CSNK1G1: variants seen among roughly 807,000 people sequenced by gnomAD.
CSNK1G1 encodes casein kinase 1 gamma 1.
A neutral mutation model predicts 59.6 loss-of-function variants in CSNK1G1; 22 were observed. That is an observed-to-expected ratio of 0.37 (90% CI 0.26 to 0.53). The LOEUF is 0.53. Ranked by LOEUF, CSNK1G1 falls within the 20% of genes least tolerant of loss-of-function variation. The pLI is 0.89. For synonymous variants in CSNK1G1, 179 were observed against 177.1 expected (o/e 1.01, Z -0.08); for missense variants, 384 against 519.5 (o/e 0.74, Z 2.54).
chr15:64,244,846 G>T (rs1450555662), intron 4 of CSNK1G1, among the ~76,000 whole-genome samples: 1 of 152,016 alleles, frequency 6.6e-6, no homozygotes, highest in Admixed American at 6.6e-5. Flanking sequence ...CAACACAGCT[G>T]GAGGCATCAC....
intron 6 of CSNK1G1, among the ~76,000 whole-genome samples, chr15:64,211,018 C>T (rs1485113263): frequency 6.6e-6 from 1 of 152,198 alleles, no homozygotes; most frequent in Non-Finnish European, 1.5e-5. Flanking sequence ...CCCTGAGGCC[C>T]TCACCAGATG....
chr15:64,196,342 C>T (rs966796629), intron 10 of CSNK1G1, among the ~76,000 whole-genome samples: 2 of 152,150 alleles, frequency 1.3e-5, no homozygotes, highest in South Asian at 4.1e-4. Flanking sequence ...ATAAACCAAA[C>T]AGTACTCAAT....
intron 4 of CSNK1G1, among the ~76,000 whole-genome samples, chr15:64,236,046 G>C (rs1291354309): frequency 6.6e-6 from 1 of 151,346 alleles, no homozygotes; most frequent in Non-Finnish European, 1.5e-5. Context: ...GGGAGGCTGA[G>C]GCAGGAGAAT....
At chr15:64,291,408 G>A (rs1232916135) in intron 2 of CSNK1G1, among the ~76,000 whole-genome samples, 3 of 152,024 alleles carry the variant, frequency 2.0e-5, no homozygotes, top group African/African-American at 7.3e-5. Context: ...CCAACATGGT[G>A]AAACCCCATC....
At chr15:64,184,455 T>C (rs1275164246) in intron 10 of CSNK1G1, among the ~76,000 whole-genome samples, 1 of 151,990 alleles carries the variant, frequency 6.6e-6, no homozygotes, top group Non-Finnish European at 1.5e-5. Context: ...GACAGGTGGA[T>C]TGCCTGAGCT....
At chr15:64,218,852 G>GT (rs11364699) in intron 4 of CSNK1G1, among the ~76,000 whole-genome samples, 2,073 of 114,056 alleles carry the variant, frequency 0.018, 27 homozygotes, top group African/African-American at 0.05. Flanking sequence ...AATTTGAAGT[G>GT]TTTTTTTTTT....
intron 11 of CSNK1G1, among the ~76,000 whole-genome samples, chr15:64,179,434 C>T (rs116316743): frequency 6.6e-6 from 1 of 151,602 alleles, no homozygotes; most frequent in Non-Finnish European, 1.5e-5. Context: ...TACTTAGGTA[C>T]AATATCACTA....
At chr15:64,335,159 G>A (rs1191328737) in intron 1 of CSNK1G1, among the ~76,000 whole-genome samples, 2 of 152,018 alleles carry the variant, frequency 1.3e-5, no homozygotes, top group Admixed American at 1.3e-4. Context: ...CATGCTTTTA[G>A]GAAAAACATA....
intron 1 of CSNK1G1, among the ~76,000 whole-genome samples, chr15:64,305,853 T>C (rs1455894637): frequency 2.7e-5 from 4 of 149,408 alleles, no homozygotes; most frequent in African/African-American, 7.4e-5. Context: ...TTCATACCAA[T>C]CTTTGACAAA....
intron 10 of CSNK1G1, among the ~76,000 whole-genome samples, chr15:64,198,442 G>A (rs1192521459): frequency 6.6e-6 from 1 of 151,878 alleles, no homozygotes; most frequent in Non-Finnish European, 1.5e-5. Flanking sequence ...CTGGCCTCAA[G>A]TTATCCACCC....
intron 2 of CSNK1G1, among the ~76,000 whole-genome samples, chr15:64,294,217 C>T (rs1461381703): frequency 1.3e-5 from 2 of 152,064 alleles, no homozygotes; most frequent in East Asian, 3.9e-4. Context: ...GGATTACAGG[C>T]GTCCGTCACC....
chr15:64,347,983 C>A (rs80043619), intron 1 of CSNK1G1, among the ~76,000 whole-genome samples: 2,460 of 147,346 alleles, frequency 0.017, 73 homozygotes, highest in African/African-American at 0.058. Context: ...TCCAGCCTGG[C>A]GACAGAGCAC....
intron 1 of CSNK1G1, among the ~76,000 whole-genome samples, chr15:64,307,254 T>C (rs1409722670): frequency 1.3e-5 from 2 of 151,414 alleles, no homozygotes; most frequent in African/African-American, 4.8e-5. Flanking sequence ...TTGGGGGATA[T>C]AGGGGAACTC....
chr15:64,325,469 G>A (rs1256122136), intron 1 of CSNK1G1, among the ~76,000 whole-genome samples: 1 of 151,954 alleles, frequency 6.6e-6, no homozygotes, highest in Non-Finnish European at 1.5e-5. Flanking sequence ...ATATTATAAT[G>A]GCTTACTTAC....
At chr15:64,333,790 AAC>A (rs1335947223) in intron 1 of CSNK1G1, among the ~76,000 whole-genome samples, 1 of 152,234 alleles carries the variant, frequency 6.6e-6, no homozygotes, top group African/African-American at 2.4e-5. Context: ...TTAAAGAAAC[AAC>A]AGTTTAAAAA....
chr15:64,166,257 T>A lies in CSNK1G1; in HGVS notation c.*5674A>T. 2.6e-6 allele frequency: 1 copy of A among 387,800 alleles called. No homozygotes were observed. The highest frequency in any genetic ancestry group is 9.2e-5 in the South Asian group (1 of 10,856). 24.0% of individuals were successfully genotyped at this position (387,800 alleles called of 1,614,324 possible). On this transcript the variant is annotated 3_prime_UTR_variant, in exon 12 of 12. Coordinates refer to ENST00000303052, the MANE Select transcript of CSNK1G1 (RefSeq NM_022048.5). This position sits in a 1 kb window ranked among gnomAD's most constrained non-coding sequence, Gnocchi z 4.5. Reference sequence around the variant, plus strand: ...AAGATCAAAGACAGATAAATAATAATATAATAAATTAGAGCATGTAATACA... The same window carrying A: ...AAGATCAAAGACAGATAAATAATAAAATAATAAATTAGAGCATGTAATACA...
At chr15:64,306,379 T>C (rs971751609) in intron 1 of CSNK1G1, among the ~76,000 whole-genome samples, 2 of 152,164 alleles carry the variant, frequency 1.3e-5, no homozygotes, top group Non-Finnish European at 1.5e-5. Flanking sequence ...CAAATACATA[T>C]ATGAAAATAT....
intron 4 of CSNK1G1, among the ~76,000 whole-genome samples, chr15:64,239,117 G>A (rs545682247): frequency 3.1e-4 from 47 of 152,132 alleles, no homozygotes; most frequent in African/African-American, 1.1e-3. Flanking sequence ...CTTCCCAACC[G>A]GCACACTAAG....
chr15:64,300,334 C>T lies in CSNK1G1; in HGVS notation c.166G>A (p.Gly56Arg). 6.2e-7 allele frequency: 1 copy of T among 1,614,108 alleles called. No homozygotes were observed. The highest frequency in any genetic ancestry group is 8.5e-7 in the Non-Finnish European group (1 of 1,179,988). ...VGKKIGCGNF[G>R]ELRLGKNLYT... ...AAGTGCTTACCTAATCTGAGCTCTC[C>T]GAAGTTCCCACATCCTATCTTCTTG... The change falls in exon 2 of 12, where the codon GGA (glycine) becomes AGA (arginine). Residue 56 changes from glycine (G) to arginine (R), a missense_variant. Physicochemically the swap from Gly to Arg is moderately radical, Grantham distance 125. This residue lies in a region of CSNK1G1 where 3 missense variants were observed against 17.9 expected (regional missense o/e 0.17). Coordinates refer to ENST00000303052, the MANE Select transcript of CSNK1G1 (RefSeq NM_022048.5).
Sources: allele counts gnomAD v4.1 joint callset (sites outside exome capture counted in the v4.1 genomes callset), GRCh38; gene constraint gnomAD v4.1.1; regional missense constraint gnomAD v4.1.1; non-coding constraint Gnocchi (gnomAD v3.1); transcripts MANE v1.5; gene names NCBI Gene and HGNC (gene_info 2026-07-23, HGNC 2026-07-21).